DYM: variants seen among roughly 807,000 people sequenced by gnomAD.
DYM encodes dymeclin.
Under a neutral mutation model 93.1 loss-of-function variants are expected in DYM, and 78 were observed. The ratio of observed to expected loss-of-function variants is 0.84; its 90% CI spans 0.70 to 1.01. DYM has a LOEUF of 1.01. DYM is among the 50% of genes least tolerant of loss of function. DYM has a pLI of 0.00. For missense variants in DYM, 789 were observed against 845.0 expected (o/e 0.93, Z 0.82); for synonymous variants, 321 against 319.7 (o/e 1.00, Z -0.04).
At chr18:49,450,093 C>A (rs1241451545) in intron 1 of DYM, among the ~76,000 whole-genome samples, 1 of 152,068 alleles carries the variant, frequency 6.6e-6, no homozygotes, top group African/African-American at 2.4e-5. Context: ...TTTAATAAGA[C>A]AGAGCTAAAG....
At chr18:49,344,131 G>T (rs574672066) in intron 6 of DYM, among the ~76,000 whole-genome samples, 1 of 152,098 alleles carries the variant, frequency 6.6e-6, no homozygotes, top group African/African-American at 2.4e-5. Context: ...TCAAAAGTCA[G>T]TTTAAAAATA....
In DYM at chr18:49,251,548, A is replaced by AT. The variant is rs1336555824; in HGVS notation, c.1460+5461dup. On this transcript the variant is annotated intron_variant, in intron 13 of 17. Transcript: ENST00000675505. ...AACATAATGAAAGTCTGAAGTAAGCATGAGATACCCAGGTGGTGAACCTAG... is the reference window on the plus strand; with the variant it reads ...AACATAATGAAAGTCTGAAGTAAGCATTGAGATACCCAGGTGGTGAACCTAG... 2.6e-5 allele frequency among the ~76,000 whole-genome samples: 4 copies of AT among 152,326 alleles called. No individual in the cohort carries two copies. The East Asian group carries it at 7.7e-4, about 29-fold the overall frequency.
intron 11 of DYM, among the ~76,000 whole-genome samples, chr18:49,270,391 A>G (rs1357111826): frequency 6.6e-6 from 1 of 152,228 alleles, no homozygotes; most frequent in Non-Finnish European, 1.5e-5. Flanking sequence ...AAAAAGTCAA[A>G]TACACAGATA....
intron 13 of DYM, among the ~76,000 whole-genome samples, chr18:49,226,376 G>T (rs1032084989): frequency 5.3e-5 from 8 of 152,158 alleles, no homozygotes; most frequent in African/African-American, 1.9e-4. Context: ...TAAAAAGAAT[G>T]TTGTCATGGC....
intron 2 of DYM, among the ~76,000 whole-genome samples, chr18:49,393,440 G>A (rs1037156597): frequency 6.6e-6 from 1 of 152,158 alleles, no homozygotes; most frequent in Non-Finnish European, 1.5e-5. Flanking sequence ...TAAATGAAAT[G>A]TACATACACA....
chr18:49,160,493 T>A (rs762865936), intron 15 of DYM, among the ~76,000 whole-genome samples: 3 of 152,082 alleles, frequency 2.0e-5, no homozygotes, highest in Non-Finnish European at 4.4e-5. Flanking sequence ...AAACATGTCC[T>A]TATTTTTAAG....
intron 14 of DYM, among the ~76,000 whole-genome samples, chr18:49,180,960 T>C (rs1249643224): frequency 2.0e-5 from 3 of 152,206 alleles, no homozygotes; most frequent in African/African-American, 7.2e-5. Context: ...CAACTTGTTA[T>C]ATGTTAGCAA....
At chr18:49,197,010 G>T (rs938446286) in intron 14 of DYM, among the ~76,000 whole-genome samples, 25 of 152,260 alleles carry the variant, frequency 1.6e-4, no homozygotes, top group African/African-American at 5.8e-4. Flanking sequence ...GCAGGTGAGG[G>T]GAAAATGCTG....
intron 3 of DYM, among the ~76,000 whole-genome samples, chr18:49,381,692 T>C (rs1267683328): frequency 6.6e-6 from 1 of 152,240 alleles, no homozygotes; most frequent in Non-Finnish European, 1.5e-5. Context: ...TGACATCCAC[T>C]ACTGCTGCTG....
intron 1 of DYM, among the ~76,000 whole-genome samples, chr18:49,442,276 G>A (rs909421158): frequency 2.0e-5 from 3 of 152,200 alleles, no homozygotes; most frequent in Admixed American, 6.5e-5. Flanking sequence ...CGGGCATGGT[G>A]ACTGACTCCT....
intron 2 of DYM, among the ~76,000 whole-genome samples, chr18:49,399,811 C>G (rs1179013907): frequency 2.6e-5 from 4 of 151,970 alleles, no homozygotes; most frequent in Admixed American, 2.6e-4. Flanking sequence ...TACCAGGAGA[C>G]AGAATTATTT....
chr18:49,152,201 T>C (rs555435744), intron 15 of DYM, among the ~76,000 whole-genome samples: 11 of 152,308 alleles, frequency 7.2e-5, no homozygotes, highest in East Asian at 3.9e-4. Context: ...TTAAAAATAA[T>C]ATTCTACCAT....
At chr18:49,234,770 A>G (rs975639823) in intron 13 of DYM, among the ~76,000 whole-genome samples, 1 of 152,346 alleles carries the variant, frequency 6.6e-6, no homozygotes, top group Middle Eastern at 3.4e-3. Flanking sequence ...GATTATCCAA[A>G]TATGCACAAT....
chr18:49,258,837 CACAGAGAGAGAGAGAG>C (rs2094439882), intron 11 of DYM, among the ~76,000 whole-genome samples: 8 of 138,138 alleles, frequency 5.8e-5, no homozygotes, highest in East Asian at 4.3e-4. Context: ...CACACACACA[CACAGAGAGAGAGAGAG>C]AGAGAGAGAG....
chr18:49,415,336 A>AAAT (rs2072814445), intron 2 of DYM, among the ~76,000 whole-genome samples: 3 of 150,134 alleles, frequency 2.0e-5, no homozygotes, highest in African/African-American at 7.3e-5. Context: ...AAAAAAAAAA[A>AAAT]AAAAAATTAA....
intron 1 of DYM, among the ~76,000 whole-genome samples, chr18:49,450,980 C>T (rs946891264): frequency 2.6e-5 from 4 of 152,172 alleles, no homozygotes; most frequent in Non-Finnish European, 5.9e-5. Flanking sequence ...AGAGAAAGAA[C>T]GTACAGGACT....
intron 2 of DYM, among the ~76,000 whole-genome samples, chr18:49,397,994 T>C (rs1033945921): frequency 1.3e-5 from 2 of 152,188 alleles, no homozygotes; most frequent in East Asian, 3.8e-4. Flanking sequence ...CTCCCAGCAA[T>C]TAAAGAGTGT....
intron 2 of DYM, among the ~76,000 whole-genome samples, chr18:49,414,160 C>A (rs951050980): frequency 1.3e-5 from 2 of 151,912 alleles, no homozygotes; most frequent in African/African-American, 4.8e-5. Context: ...TGACCAGAAA[C>A]TGGAGGGAGA....
chr18:49,134,672 G>A (rs1425099190), intron 15 of DYM, among the ~76,000 whole-genome samples: 1 of 152,182 alleles, frequency 6.6e-6, no homozygotes, highest in Admixed American at 6.5e-5. Context: ...CATTAGCTGA[G>A]TGCCAACATC....
Sources: gnomAD v4.1 joint callset for allele counts (sites outside exome capture counted in the v4.1 genomes callset) on GRCh38, gnomAD v4.1.1 for gene constraint, MANE v1.5 for transcripts, NCBI Gene and HGNC (gene_info 2026-07-23, HGNC 2026-07-21) for gene names.